RAD18: variants seen among roughly 807,000 people sequenced by gnomAD.
The protein encoded by RAD18 is E3 ubiquitin-protein ligase RAD18.
In RAD18, 47 loss-of-function variants were observed where a neutral mutation model predicts 60.4. The ratio of observed to expected loss-of-function variants is 0.78; its 90% CI spans 0.62 to 0.99. The LOEUF is 0.99. RAD18 is among the 50% of genes least tolerant of loss of function. The pLI is 0.00. For synonymous variants in RAD18, 225 were observed against 195.5 expected (o/e 1.15, Z -1.26); for missense variants, 640 against 593.3 (o/e 1.08, Z -0.82).
chr3:8,927,511 A>G (rs1312631969), intron 7 of RAD18, among the ~76,000 whole-genome samples: 1 of 152,242 alleles, frequency 6.6e-6, no homozygotes. Context: ...GCAATTCCTC[A>G]GGGATCTACA....
At chr3:8,914,133 T>G (rs1940156368) in intron 7 of RAD18, among the ~76,000 whole-genome samples, 1 of 152,226 alleles carries the variant, frequency 6.6e-6, no homozygotes, top group South Asian at 2.1e-4. Context: ...GAAAAAGGTC[T>G]ACAAATACCA....
At chr3:8,904,529 G>T (rs1300724594) in intron 9 of RAD18, among the ~76,000 whole-genome samples, 1 of 152,152 alleles carries the variant, frequency 6.6e-6, no homozygotes, top group South Asian at 2.1e-4. Flanking sequence ...TAAAGTGTCA[G>T]CAAAAGAAAT....
chr3:8,890,719 G>A (rs563965799), intron 11 of RAD18, among the ~76,000 whole-genome samples: 1 of 152,234 alleles, frequency 6.6e-6, no homozygotes, highest in South Asian at 2.1e-4. Flanking sequence ...TAGCCAGGGA[G>A]GCTGAGATTC....
intron 4 of RAD18, among the ~76,000 whole-genome samples, chr3:8,942,343 C>A (rs897992777): frequency 1.3e-5 from 2 of 152,166 alleles, no homozygotes; most frequent in Non-Finnish European, 2.9e-5. Context: ...ACATGCTGCC[C>A]GTCTTTTGTT....
intron 2 of RAD18, among the ~76,000 whole-genome samples, chr3:8,951,923 C>T (rs962071280): frequency 1.3e-5 from 2 of 152,184 alleles, no homozygotes; most frequent in Non-Finnish European, 2.9e-5. Context: ...CTGCTCACTG[C>T]GTCCTCCCAT....
intron 4 of RAD18, chr3:8,946,812 C>T (rs1277673879): frequency 2.5e-5 from 4 of 161,694 alleles, no homozygotes; most frequent in Non-Finnish European, 5.3e-5. Context: ...TAGCTCTGTC[C>T]ATTGAGAGGG....
At chr3:8,961,328 G>A (rs183833124) in intron 1 of RAD18, among the ~76,000 whole-genome samples, 54 of 152,338 alleles carry the variant, frequency 3.5e-4, no homozygotes, top group African/African-American at 1.2e-3. Flanking sequence ...GAGAGAGAAA[G>A]TGAAAGGGAG....
At chr3:8,916,839 G>C (rs147982799) in intron 7 of RAD18, among the ~76,000 whole-genome samples, 1 of 152,044 alleles carries the variant, frequency 6.6e-6, no homozygotes, top group East Asian at 1.9e-4. Flanking sequence ...ACAGAACAGA[G>C]CCTCTAAGAG....
chr3:8,939,350 T>C (rs1174586427), intron 6 of RAD18, among the ~76,000 whole-genome samples: 3 of 152,184 alleles, frequency 2.0e-5, no homozygotes, highest in South Asian at 4.1e-4. Flanking sequence ...ATATTCAATA[T>C]AGCTAATCAT....
At chr3:8,936,154 GAAAA>G in intron 6 of RAD18, 99 bp from the exon 7 acceptor site, 4 of 1,123,786 alleles carry the variant, frequency 3.6e-6, no homozygotes, top group Non-Finnish European at 4.9e-6. Flanking sequence ...GGGTGACCGG[GAAAA>G]TAGTAGAACC....
At chr3:8,925,067 G>C (rs576152988) in intron 7 of RAD18, among the ~76,000 whole-genome samples, 39 of 151,882 alleles carry the variant, frequency 2.6e-4, no homozygotes, top group African/African-American at 8.4e-4. Flanking sequence ...GATCAGAGCA[G>C]AACTGAAGGA....
intron 7 of RAD18, among the ~76,000 whole-genome samples, chr3:8,932,050 T>C (rs886958231): frequency 1.3e-5 from 2 of 152,184 alleles, no homozygotes. Context: ...ATAAAACTCC[T>C]AGAAAATAAC....
At chr3:8,913,821 G>T in intron 7 of RAD18, 101 bp from the exon 8 acceptor site, 1 of 642,102 alleles carries the variant, frequency 1.6e-6, no homozygotes, top group Non-Finnish European at 2.4e-6. Flanking sequence ...GATGGGTGAT[G>T]GGTATATGTG....
chr3:8,920,405 T>A (rs1054611662), intron 7 of RAD18, among the ~76,000 whole-genome samples: 12 of 152,006 alleles, frequency 7.9e-5, no homozygotes, highest in African/African-American at 2.9e-4. Context: ...AAAATCATCA[T>A]TTTGCAACTA....
In RAD18 at chr3:8,907,346, C is replaced by T. The variant is rs561172808; in HGVS notation, c.1028-4826G>A. 2.0e-5 allele frequency among the ~76,000 whole-genome samples: 3 copies of T among 152,318 alleles called. No homozygotes were observed. In the East Asian group the frequency reaches 5.8e-4, roughly 29 times the overall value. On this transcript the variant is annotated intron_variant, in intron 9 of 12. Coordinates refer to ENST00000264926, the MANE Select transcript of RAD18 (RefSeq NM_020165.4). ...TTCCATGGCTGGAAACAGACACCCT[C>T]TAAGTTTTAATTGATAATGTGATAC...
intron 7 of RAD18, among the ~76,000 whole-genome samples, chr3:8,923,476 T>C (rs987089421): frequency 6.6e-6 from 1 of 152,076 alleles, no homozygotes; most frequent in Non-Finnish European, 1.5e-5. Flanking sequence ...TGGAACCAAG[T>C]TGGAAAACAC....
At chr3:8,956,647 AAAC>A (rs1423228933) in intron 2 of RAD18, among the ~76,000 whole-genome samples, 1 of 152,018 alleles carries the variant, frequency 6.6e-6, no homozygotes, top group East Asian at 1.9e-4. Context: ...AACAAAACAA[AAAC>A]AACGTTATTA....
At chr3:8,885,976 A>C (rs1263599989) in intron 12 of RAD18, among the ~76,000 whole-genome samples, 1 of 152,228 alleles carries the variant, frequency 6.6e-6, no homozygotes, top group East Asian at 1.9e-4. Context: ...GTCTCTTGTC[A>C]AACCAATGCT....
chr3:8,897,286 G>A (rs899082968), intron 11 of RAD18, among the ~76,000 whole-genome samples: 2 of 152,022 alleles, frequency 1.3e-5, no homozygotes, highest in Non-Finnish European at 2.9e-5. Context: ...AAAATGTAGG[G>A]GGATAATAGA....
Sources: allele counts gnomAD v4.1 joint callset (sites outside exome capture counted in the v4.1 genomes callset), GRCh38; gene constraint gnomAD v4.1.1; transcripts MANE v1.5; gene names NCBI Gene and HGNC (gene_info 2026-07-23, HGNC 2026-07-21).